PLN: variants seen among roughly 807,000 people sequenced by gnomAD.
PLN encodes cardiac phospholamban.
A neutral mutation model predicts 3.9 loss-of-function variants in PLN; 1 was observed. The observed-to-expected ratio is 0.26, with a 90% CI of 0.09 to 1.23. PLN has a LOEUF of 1.23. Among genes scored for constraint, PLN ranks in the 50% most tolerant of loss-of-function variants. The pLI is 0.48. For missense variants in PLN, 59 were observed against 62.7 expected, an observed-to-expected ratio of 0.94 and a Z score of 0.20; for synonymous variants, 21 against 20.5, an observed-to-expected ratio of 1.02 and a Z score of -0.07.
chr6:118,554,427 G>A (rs1014959832), intron 1 of PLN, among the ~76,000 whole-genome samples: 14 of 152,140 alleles, frequency 9.2e-5, no homozygotes, highest in African/African-American at 3.1e-4. Context: ...AATTATAGAT[G>A]TGAGCCACCA....
intron 1 of PLN, among the ~76,000 whole-genome samples, chr6:118,548,943 T>A (rs1486938972): frequency 3.3e-5 from 5 of 152,026 alleles, no homozygotes; most frequent in African/African-American, 1.2e-4. Context: ...TACAAGCTAC[T>A]TTTAAAGTGC....
chr6:118,556,512 G>A (rs995241076), intron 1 of PLN, among the ~76,000 whole-genome samples: 1 of 152,072 alleles, frequency 6.6e-6, no homozygotes, highest in East Asian at 1.9e-4. Context: ...AGTAAATGCC[G>A]GGTTCTAACT....
rs377430102 is a variant in PLN at position 118,554,855 on chromosome 6, C to T, written c.-97-3970C>T. On this transcript the variant is annotated intron_variant, in intron 1 of 1. Coordinates refer to ENST00000357525, the MANE Select transcript of PLN (RefSeq NM_002667.5). ...GAACAACATGTGCAAAGAACAAAAT[C>T]ACAAAAGGGAATGGAGTATTTATGG... Among the ~76,000 whole-genome samples, 16 of 152,210 alleles carry T rather than the reference C, an allele frequency of 1.1e-4. No homozygotes were observed. The East Asian group carries it at 1.9e-3, about 18-fold the overall frequency.
intron 1 of PLN, among the ~76,000 whole-genome samples, chr6:118,555,302 C>A (rs1778789186): frequency 1.3e-5 from 2 of 151,900 alleles, no homozygotes; most frequent in Admixed American, 1.3e-4. Context: ...GTGGCGGGCA[C>A]CTGTAGTCCC....
rs148118390 is a variant in PLN, at chr6:118,561,281, T to C, written c.*2201T>C. On this transcript the variant is annotated 3_prime_UTR_variant, in exon 2 of 2. Transcript: ENST00000357525. ...ACCAATACAGAAAGTATCCCTAGTC[T>C]TAAAAACAAGTGGAAAATTTGAACT... is the stretch of plus-strand genomic sequence containing the variant. Among the ~76,000 whole-genome samples the C allele has an allele frequency of 6.6e-6, 1 of 152,326 alleles. No individual in the cohort carries two copies. Among genetic ancestry groups the C allele is most frequent in the Admixed American group, 6.5e-5 (1 of 15,302 alleles).
At chr6:118,553,215 T>TAA (rs59502810) in intron 1 of PLN, among the ~76,000 whole-genome samples, 3 of 138,940 alleles carry the variant, frequency 2.2e-5, no homozygotes, top group Non-Finnish European at 3.1e-5. Flanking sequence ...GTTAAGAAAT[T>TAA]AAAAAAAAAA....
intron 1 of PLN, among the ~76,000 whole-genome samples, 177 bp from the exon 2 acceptor site, chr6:118,558,648 C>CAGAGAGAG (rs1407950940): frequency 1.5e-5 from 2 of 137,158 alleles, no homozygotes; most frequent in African/African-American, 6.5e-5. Context: ...CACACACACA[C>CAGAGAGAG]ACACACACAC....
At position 118,559,158 on chromosome 6, in the gene PLN, T is replaced by C. The variant is rs1583048226; in HGVS notation, c.*78T>C. ...TCATCCCATGCAGACAGGAAAACAA[T>C]ATTGTATAACAGACCACTTCCTGAG... On this transcript the variant is annotated 3_prime_UTR_variant, in exon 2 of 2. Transcript: ENST00000357525. The C allele has an allele frequency of 1.9e-6, 2 of 1,079,034 alleles. No homozygotes were observed. The highest frequency in any genetic ancestry group is 4.7e-5 in the East Asian group (2 of 42,398). 66.8% of individuals were successfully genotyped at this position (1,079,034 alleles called of 1,614,324 possible). A position where few individuals can be genotyped will look rare whatever the true frequency, so the allele number is the denominator to read the frequency against.
rs181727742 is a variant in PLN at position 118,558,787 on chromosome 6, T to C, written c.-97-38T>C. 1.7e-4 allele frequency: 120 copies of C among 714,036 alleles called. No homozygotes were observed. In the African/African-American group the frequency reaches 1.7e-3, roughly 10 times the overall value. The allele number at this position is 714,036 out of a possible 1,614,324, so 44.2% of individuals were successfully genotyped here. On this transcript the variant is annotated intron_variant, in intron 1 of 1. Transcript: ENST00000357525. ...TTTTTTGTTCTGAGGATAGGTTACA[T>C]AGATGATTCTAATCCATTTATTATT...
intron 1 of PLN, among the ~76,000 whole-genome samples, chr6:118,554,440 C>A (rs1442676002): frequency 6.6e-6 from 1 of 152,128 alleles, no homozygotes; most frequent in Non-Finnish European, 1.5e-5. Flanking sequence ...AGCCACCATG[C>A]CCTGCCCACA....
chr6:118,552,863 CTG>C (rs1218790063), intron 1 of PLN, among the ~76,000 whole-genome samples: 2 of 152,032 alleles, frequency 1.3e-5, no homozygotes, highest in Admixed American at 6.6e-5. Context: ...AGACAGGAGT[CTG>C]GCATTTCTAC....
rs148826386 is a variant in PLN, at chr6:118,555,602, T to G, written c.-97-3223T>G. Among the ~76,000 whole-genome samples the G allele has an allele frequency of 3.7e-3, 565 of 152,284 alleles. 3 individuals carry two copies. Among genetic ancestry groups the G allele is most frequent in the African/African-American group, 0.013 (539 of 41,554 alleles). On this transcript the variant is annotated intron_variant, in intron 1 of 1. Transcript: ENST00000357525. ...TCTATTTATATTTTACCTGAAGAAT[T>G]CAAACAAAAGTCATTAAATATATGT...
At position 118,558,626 on chromosome 6, in the gene PLN, T is replaced by TACAC. The variant is rs371775061; in HGVS notation, c.-97-167_-97-164dup. ...ACAGACACATAGAAACACGTGCACA[T>TACAC]ACACACACACACACACACACACACA... is the stretch of plus-strand genomic sequence containing the variant. On this transcript the variant is annotated intron_variant, in intron 1 of 1. Coordinates refer to ENST00000357525, the MANE Select transcript of PLN (RefSeq NM_002667.5). Among the ~76,000 whole-genome samples, 8,279 of 111,334 alleles carry TACAC rather than the reference T, an allele frequency of 0.074. 315 individuals are homozygous for TACAC. Among genetic ancestry groups the TACAC allele is most frequent in the Non-Finnish European group, 0.1 (5,341 of 52,794 alleles). 73.0% of individuals were successfully genotyped at this position (111,334 alleles called of 152,430 possible).
In PLN at chr6:118,558,866, CT is replaced by C; in HGVS notation, c.-51del. ...CAGTTATCTCATATTTGGCTGCCAG[CT>C]TTTTATCTTTCTCTCGACCACTTAA... On this transcript the variant is annotated 5_prime_UTR_variant, in exon 2 of 2. Coordinates refer to ENST00000357525, the MANE Select transcript of PLN (RefSeq NM_002667.5). 1 of 1,417,484 alleles carries C rather than the reference CT, an allele frequency of 7.1e-7. No individual in the cohort carries two copies. The highest frequency in any genetic ancestry group is 2.3e-5 in the East Asian group (1 of 43,906). 87.8% of individuals were successfully genotyped at this position (1,417,484 alleles called of 1,614,324 possible).
chr6:118,551,940 TACC>T (rs1778572340), intron 1 of PLN, among the ~76,000 whole-genome samples: 2 of 152,012 alleles, frequency 1.3e-5, no homozygotes, highest in African/African-American at 4.8e-5. Flanking sequence ...CCTAATTTAT[TACC>T]ACAAGTCCAA....
chr6:118,553,590 T>G (rs1778677511), intron 1 of PLN, among the ~76,000 whole-genome samples: 1 of 152,250 alleles, frequency 6.6e-6, no homozygotes. Context: ...CAAATAACTT[T>G]AGGATTATGG....
At position 118,553,534 on chromosome 6, in the gene PLN, C is replaced by A. The variant is rs139156134; in HGVS notation, c.-98+5142C>A. Reference sequence around the variant, plus strand: ...TAAATGTATATCATTAACATTTTAGCGTGTAAAGCAGATTTAAGTTTAGGC... The same window carrying A: ...TAAATGTATATCATTAACATTTTAGAGTGTAAAGCAGATTTAAGTTTAGGC... On this transcript the variant is annotated intron_variant, in intron 1 of 1. Coordinates refer to ENST00000357525, the MANE Select transcript of PLN (RefSeq NM_002667.5). 4.7e-4 allele frequency among the ~76,000 whole-genome samples: 71 copies of A among 152,146 alleles called. No individual in the cohort carries two copies. In the South Asian group the frequency reaches 7.7e-3, roughly 16 times the overall value.
chr6:118,557,071 T>C (rs1778922849), intron 1 of PLN, among the ~76,000 whole-genome samples: 1 of 152,152 alleles, frequency 6.6e-6, no homozygotes, highest in Non-Finnish European at 1.5e-5. Context: ...TACTATGTGT[T>C]CCAAGCTTGA....
At chr6:118,552,128 T>C (rs1422938243) in intron 1 of PLN, among the ~76,000 whole-genome samples, 2 of 152,040 alleles carry the variant, frequency 1.3e-5, no homozygotes, top group Non-Finnish European at 2.9e-5. Context: ...TATCAGACTG[T>C]AGCCTTAGAT....
Sources: gnomAD v4.1 joint callset for allele counts (sites outside exome capture counted in the v4.1 genomes callset) on GRCh38, gnomAD v4.1.1 for gene constraint, MANE v1.5 for transcripts, NCBI Gene and HGNC (gene_info 2026-07-23, HGNC 2026-07-21) for gene names.